The following ARHGAP15 variants were observed in gnomAD, a reference collection of about 807,000 sequenced individuals.
The protein encoded by ARHGAP15 is Rho GTPase activating protein 15.
ARHGAP15 carries 51 observed loss-of-function variants against 63.7 expected under a neutral mutation model. The ratio of observed to expected loss-of-function variants is 0.80; its 90% CI spans 0.64 to 1.01. The LOEUF is 1.01. ARHGAP15 is among the 50% of genes least tolerant of loss of function. The pLI is 0.00. For synonymous variants in ARHGAP15, 191 were observed against 193.8 expected, an observed-to-expected ratio of 0.99 and a Z score of 0.12; for missense variants, 560 against 564.6, an observed-to-expected ratio of 0.99 and a Z score of 0.08.
At chr2:143,367,450 C>G (rs1242247245) in intron 6 of ARHGAP15, among the ~76,000 whole-genome samples, 1 of 151,668 alleles carries the variant, frequency 6.6e-6, no homozygotes, top group Non-Finnish European at 1.5e-5. Context: ...TCTCACACAA[C>G]TTATCCTGCA....
At chr2:143,349,101 C>G (rs772498781) in intron 6 of ARHGAP15, among the ~76,000 whole-genome samples, 3 of 152,088 alleles carry the variant, frequency 2.0e-5, no homozygotes, top group Admixed American at 6.6e-5. Context: ...TTTAGACCCT[C>G]CAAAGTTTCT....
At chr2:143,632,456 A>G (rs1302512141) in intron 12 of ARHGAP15, among the ~76,000 whole-genome samples, 1 of 152,146 alleles carries the variant, frequency 6.6e-6, no homozygotes, top group Non-Finnish European at 1.5e-5. Flanking sequence ...TTTAAAGGCT[A>G]CAATCACACA....
intron 9 of ARHGAP15, among the ~76,000 whole-genome samples, chr2:143,493,176 C>T (rs926460206): frequency 6.6e-6 from 1 of 152,140 alleles, no homozygotes; most frequent in African/African-American, 2.4e-5. Flanking sequence ...TATAATATCA[C>T]AACTCCCGTG....
chr2:143,386,241 T>A (rs995320699), intron 6 of ARHGAP15, among the ~76,000 whole-genome samples: 8 of 152,064 alleles, frequency 5.3e-5, no homozygotes, highest in Non-Finnish European at 7.4e-5. Flanking sequence ...TAGACAAAAA[T>A]GGCCATGGGT....
chr2:143,766,635 G>T (rs990912796), intron 13 of ARHGAP15: 1 of 152,162 alleles, frequency 6.6e-6, no homozygotes, highest in Non-Finnish European at 1.5e-5. Flanking sequence ...TGTCAAGTAG[G>T]AAAAATAAAT....
At chr2:143,265,117 A>AG (rs1200633389) in intron 6 of ARHGAP15, among the ~76,000 whole-genome samples, 10 of 152,208 alleles carry the variant, frequency 6.6e-5, no homozygotes. Context: ...AAAAGTTACA[A>AG]GGGAAAAAAA....
intron 8 of ARHGAP15, among the ~76,000 whole-genome samples, chr2:143,448,191 G>C (rs1363696091): frequency 6.6e-6 from 1 of 152,106 alleles, no homozygotes; most frequent in Non-Finnish European, 1.5e-5. Flanking sequence ...GATTGGTGAG[G>C]CTGGAATGTG....
chr2:143,134,902 G>A (rs1364794369), intron 1 of ARHGAP15, among the ~76,000 whole-genome samples: 2 of 152,124 alleles, frequency 1.3e-5, no homozygotes, highest in Non-Finnish European at 2.9e-5. Context: ...CTCCCAAAGT[G>A]CTGGGATTAC....
At chr2:143,372,794 C>T in intron 6 of ARHGAP15, among the ~76,000 whole-genome samples, 1 of 152,042 alleles carries the variant, frequency 6.6e-6, no homozygotes. Context: ...TATTAAATTC[C>T]TGTCATATGC....
intron 6 of ARHGAP15, among the ~76,000 whole-genome samples, chr2:143,308,595 T>C (rs1239412131): frequency 6.6e-6 from 1 of 152,028 alleles, no homozygotes; most frequent in Non-Finnish European, 1.5e-5. Context: ...ATGGCATGTA[T>C]AGATTGTTTT....
chr2:143,242,614 A>G (rs1693906839), intron 5 of ARHGAP15, among the ~76,000 whole-genome samples: 2 of 152,226 alleles, frequency 1.3e-5, no homozygotes, highest in African/African-American at 4.8e-5. Flanking sequence ...TTTTCTGAAA[A>G]TGTGGTTTGA....
intron 6 of ARHGAP15, among the ~76,000 whole-genome samples, chr2:143,261,505 A>ATT (rs35112145): frequency 8.8e-4 from 125 of 142,042 alleles, no homozygotes; most frequent in Middle Eastern, 3.5e-3. Flanking sequence ...CACCCGGCTA[A>ATT]TTTTTTTTTT....
At chr2:143,733,929 CATT>C (rs1559151478) in intron 13 of ARHGAP15, among the ~76,000 whole-genome samples, 1 of 152,124 alleles carries the variant, frequency 6.6e-6, no homozygotes, top group Non-Finnish European at 1.5e-5. Context: ...TTCTTATCTA[CATT>C]TTTTACTGAA....
chr2:143,313,826 G>A (rs752821876), intron 6 of ARHGAP15, among the ~76,000 whole-genome samples: 14 of 152,092 alleles, frequency 9.2e-5, no homozygotes, highest in Non-Finnish European at 1.6e-4. Context: ...AGATAGCAGA[G>A]TTCATCAAGC....
At chr2:143,252,806 A>G (rs2104985047) in intron 6 of ARHGAP15, among the ~76,000 whole-genome samples, 1 of 152,176 alleles carries the variant, frequency 6.6e-6, no homozygotes, top group South Asian at 2.1e-4. Context: ...TTAACAAAAA[A>G]GCGTCGGGAA....
At chr2:143,528,054 T>G (rs1214484249) in intron 10 of ARHGAP15, among the ~76,000 whole-genome samples, 1 of 152,102 alleles carries the variant, frequency 6.6e-6, no homozygotes, top group Non-Finnish European at 1.5e-5. Flanking sequence ...TCCTTAATGA[T>G]TTTATTTTCA....
At chr2:143,542,941 A>C (rs920610251) in intron 10 of ARHGAP15, among the ~76,000 whole-genome samples, 2 of 149,176 alleles carry the variant, frequency 1.3e-5, no homozygotes, top group South Asian at 4.2e-4. Flanking sequence ...TTATCATTCA[A>C]CCATTGATGG....
chr2:143,700,068 C>T lies in ARHGAP15; in HGVS notation c.1139-3351C>T, dbSNP rs373132555. On this transcript the variant is annotated intron_variant, in intron 12 of 13. Coordinates refer to ENST00000295095, the MANE Select transcript of ARHGAP15 (RefSeq NM_018460.4). ...CACCACATGCTAGCATAAAAATTGC[C>T]TAGCTTTAAAGGAAAATTCCCTATT... Among the ~76,000 whole-genome samples, 7 of 152,194 alleles carry T rather than the reference C, an allele frequency of 4.6e-5. No homozygotes were observed. The East Asian group carries it at 1.4e-3, about 30-fold the overall frequency.
chr2:143,374,858 A>G (rs1024605459), intron 6 of ARHGAP15, among the ~76,000 whole-genome samples: 1 of 152,178 alleles, frequency 6.6e-6, no homozygotes, highest in African/African-American at 2.4e-5. Flanking sequence ...CTCCTCCAGG[A>G]CAGGTATGTA....
Sources: allele counts gnomAD v4.1 joint callset (sites outside exome capture counted in the v4.1 genomes callset), GRCh38; gene constraint gnomAD v4.1.1; transcripts MANE v1.5; gene names NCBI Gene and HGNC (gene_info 2026-07-23, HGNC 2026-07-21).